The following HPSE2 variants were observed in gnomAD, a reference collection of about 807,000 sequenced individuals.
HPSE2 encodes the protein inactive heparanase-2.
Under a neutral mutation model 60.5 loss-of-function variants are expected in HPSE2, and 38 were observed. The observed-to-expected ratio is 0.63, with a 90% CI of 0.48 to 0.82. The LOEUF (loss-of-function observed/expected upper bound fraction) is 0.82. Ranked by LOEUF, HPSE2 falls within the 40% of genes least tolerant of loss-of-function variation. The probability of loss-of-function intolerance (pLI) is 0.00; values close to 1 mark genes in which losing one functional copy is unlikely to be tolerated. For missense variants in HPSE2, 713 were observed against 740.4 expected (o/e 0.96, Z 0.43); for synonymous variants, 295 against 293.2 (o/e 1.01, Z -0.06).
In HPSE2 at chr10:99,125,281, T is replaced by C. The variant is rs530655525; in HGVS notation, c.610+18957A>G. On this transcript the variant is annotated intron_variant, in intron 3 of 11. Transcript: ENST00000370552. ...TACTTCAAAATGAACTCTGCTACACTACCTGGAGAGTGAATCATGCAGAGA... is the reference window on the plus strand; with the variant it reads ...TACTTCAAAATGAACTCTGCTACACCACCTGGAGAGTGAATCATGCAGAGA... Among the ~76,000 whole-genome samples, 18 of 152,350 alleles carry C rather than the reference T, an allele frequency of 1.2e-4. No homozygotes were observed. The South Asian group carries it at 2.1e-3, about 18-fold the overall frequency.
intron 4 of HPSE2, among the ~76,000 whole-genome samples, chr10:98,734,152 C>T (rs965866893): frequency 2.6e-5 from 4 of 152,154 alleles, no homozygotes; most frequent in South Asian, 2.1e-4. Flanking sequence ...GCATAATCTT[C>T]TCAAGGTTCA....
chr10:98,708,677 T>C (rs1235656314), intron 5 of HPSE2, among the ~76,000 whole-genome samples: 2 of 152,112 alleles, frequency 1.3e-5, no homozygotes, highest in Non-Finnish European at 2.9e-5. Flanking sequence ...TATGGAAGCA[T>C]TTCTACACTT....
intron 11 of HPSE2, among the ~76,000 whole-genome samples, chr10:98,467,028 G>A (rs972876773): frequency 6.6e-6 from 1 of 151,380 alleles, no homozygotes; most frequent in Admixed American, 6.6e-5. Flanking sequence ...TTATCTAATC[G>A]CGGCCTAAGC....
intron 9 of HPSE2, among the ~76,000 whole-genome samples, chr10:98,568,692 G>A (rs188709076): frequency 3.7e-4 from 56 of 152,128 alleles, no homozygotes; most frequent in Non-Finnish European, 6.6e-4. Context: ...TTCCTTTCCG[G>A]GCTTCAGGTT....
intron 3 of HPSE2, among the ~76,000 whole-genome samples, chr10:99,056,035 GAATT>G (rs1281400339): frequency 6.6e-6 from 1 of 151,748 alleles, no homozygotes; most frequent in Non-Finnish European, 1.5e-5. Context: ...TTCTTTTAAA[GAATT>G]AATAAAACTA....
At chr10:99,166,102 G>T (rs1436518509) in intron 2 of HPSE2, among the ~76,000 whole-genome samples, 1 of 151,734 alleles carries the variant, frequency 6.6e-6, no homozygotes, top group African/African-American at 2.4e-5. Flanking sequence ...TTTGCAAAAT[G>T]CATTTAGAAT....
intron 11 of HPSE2, chr10:98,461,864 C>A: frequency 7.2e-7 from 1 of 1,379,430 alleles, no homozygotes. Flanking sequence ...CTTTAAAAAT[C>A]TATACTAATA....
chr10:99,204,697 T>C (rs1406531048), intron 2 of HPSE2, among the ~76,000 whole-genome samples: 4 of 152,168 alleles, frequency 2.6e-5, no homozygotes, highest in Admixed American at 1.3e-4. Flanking sequence ...TTCAACTATA[T>C]GCAGATTTTT....
the HPSE2 span, among the ~76,000 whole-genome samples, chr10:99,244,099 C>A: frequency 6.6e-6 from 1 of 150,876 alleles, no homozygotes; most frequent in South Asian, 2.1e-4. Flanking sequence ...CCAGGCGGGA[C>A]TGCAGTGGTG....
At chr10:99,069,124 C>T (rs1479980769) in intron 3 of HPSE2, among the ~76,000 whole-genome samples, 1 of 152,132 alleles carries the variant, frequency 6.6e-6, no homozygotes, top group Non-Finnish European at 1.5e-5. Context: ...AAGTTCAGTA[C>T]TTCCCTGCGA....
In HPSE2 at chr10:98,458,438, C is replaced by G. The variant is rs10883098; in HGVS notation, c.*1136G>C. 0.52 allele frequency: 78,499 copies of G among 151,950 alleles called. 20,500 individuals are homozygous for G. The highest frequency in any genetic ancestry group is 0.58 in the African/African-American group (23,913 of 41,410). The allele number at this position is 151,950 out of a possible 1,614,324, so 9.4% of individuals were successfully genotyped here. On this transcript the variant is annotated 3_prime_UTR_variant, in exon 12 of 12. Transcript: ENST00000370552. ...CCTACCTACCATTCCATAGTTTTGG[C>G]CAGATCTTCATTCTCTAGATTCCCT...
chr10:99,011,512 C>G (rs965795292), intron 3 of HPSE2, among the ~76,000 whole-genome samples: 1 of 151,920 alleles, frequency 6.6e-6, no homozygotes, highest in Non-Finnish European at 1.5e-5. Context: ...AATCCCAGCA[C>G]TTTGGGAGGC....
intron 3 of HPSE2, among the ~76,000 whole-genome samples, chr10:99,099,357 G>A (rs1351383860): frequency 2.0e-5 from 3 of 152,342 alleles, no homozygotes; most frequent in South Asian, 4.1e-4. Context: ...CCCGCACATG[G>A]CTCACAGGGA....
At chr10:98,526,040 G>C (rs1023085338) in intron 9 of HPSE2, among the ~76,000 whole-genome samples, 13 of 152,182 alleles carry the variant, frequency 8.5e-5, no homozygotes, top group Non-Finnish European at 1.2e-4. Context: ...CTGTAGAACA[G>C]GGATATGACA....
At chr10:98,884,099 T>G (rs904210604) in intron 3 of HPSE2, among the ~76,000 whole-genome samples, 1 of 152,116 alleles carries the variant, frequency 6.6e-6, no homozygotes, top group Non-Finnish European at 1.5e-5. Context: ...GTGGTCTAGA[T>G]AGGTCAAACC....
the HPSE2 span, among the ~76,000 whole-genome samples, chr10:99,254,215 CG>C: frequency 6.6e-6 from 1 of 152,158 alleles, no homozygotes; most frequent in East Asian, 1.9e-4. Flanking sequence ...AGATACACCT[CG>C]GAATACAATG....
intron 3 of HPSE2, among the ~76,000 whole-genome samples, chr10:98,782,928 T>A (rs1261819920): frequency 1.6e-4 from 1 of 6,086 alleles, no homozygotes; most frequent in Non-Finnish European, 5.2e-4. Context: ...TTTTTTTTAT[T>A]TTTTTTTTTA....
At chr10:99,306,126 T>C in the HPSE2 span, among the ~76,000 whole-genome samples, 112 of 151,976 alleles carry the variant, frequency 7.4e-4, 1 homozygote, top group Middle Eastern at 0.01. Flanking sequence ...GGGCAAAATA[T>C]CTAATATACA....
rs181248786 is a variant in HPSE2 at position 98,854,598 on chromosome 10, C to T, written c.611-110542G>A. ...CTACACATAAACAGCTAGGGGGACA[C>T]GGGGAAGGACAAATATGAATAATAG... On this transcript the variant is annotated intron_variant, in intron 3 of 11. Coordinates refer to ENST00000370552, the MANE Select transcript of HPSE2 (RefSeq NM_021828.5). Among the ~76,000 whole-genome samples the T allele has an allele frequency of 9.5e-4, 144 of 152,174 alleles. 1 individual carries two copies. Among genetic ancestry groups the T allele is most frequent in the African/African-American group, 3.2e-3 (131 of 41,514 alleles).
Sources: gnomAD v4.1 joint callset for allele counts (sites outside exome capture counted in the v4.1 genomes callset) on GRCh38, gnomAD v4.1.1 for gene constraint, MANE v1.5 for transcripts, NCBI Gene and HGNC (gene_info 2026-07-23, HGNC 2026-07-21) for gene names.